HLCS: variants seen among roughly 807,000 people sequenced by gnomAD.
HLCS encodes the protein holocarboxylase synthetase.
In HLCS, 53 loss-of-function variants were observed where a neutral mutation model predicts 75.0. The ratio of observed to expected loss-of-function variants is 0.71; its 90% CI spans 0.57 to 0.89. The LOEUF (loss-of-function observed/expected upper bound fraction) is 0.89. Among genes scored for constraint, HLCS ranks in the 40% least tolerant of loss-of-function variants. The probability of loss-of-function intolerance (pLI) is 0.00; values close to 1 mark genes in which losing one functional copy is unlikely to be tolerated. For synonymous variants in HLCS, 431 were observed against 428.6 expected, an observed-to-expected ratio of 1.01 and a Z score of -0.07; for missense variants, 966 against 1,074.0, an observed-to-expected ratio of 0.90 and a Z score of 1.41.
chr21:36,797,216 T>C (rs1338544807), intron 6 of HLCS, among the ~76,000 whole-genome samples: 1 of 152,068 alleles, frequency 6.6e-6, no homozygotes, highest in East Asian at 1.9e-4. Context: ...GGCTGTACCA[T>C]CCAAAGACAG....
chr21:36,966,652 G>C lies in HLCS; in HGVS notation c.-14C>G. On this transcript the variant is annotated 5_prime_UTR_variant, in exon 1 of 11. Transcript: ENST00000674895. ...CGTGATGAGCATGGCCGCGCCGCCG[G>C]CAGGGCGAGCCCGCCTTGCCCGCCC... is the stretch of plus-strand genomic sequence containing the variant. The C allele has an allele frequency of 1.0e-6, 1 of 978,442 alleles. No homozygotes were observed. 60.6% of individuals were successfully genotyped at this position (978,442 alleles called of 1,614,324 possible).
chr21:36,900,805 G>GA (rs1431843759), intron 5 of HLCS, among the ~76,000 whole-genome samples: 3 of 152,170 alleles, frequency 2.0e-5, no homozygotes, highest in African/African-American at 7.2e-5. Flanking sequence ...AGTCATATCT[G>GA]AGATGTTAGA....
At chr21:36,983,166 C>T (rs994264813) in intron 1 of HLCS, among the ~76,000 whole-genome samples, 11 of 151,460 alleles carry the variant, frequency 7.3e-5, no homozygotes, top group African/African-American at 2.4e-4. Flanking sequence ...TTGCCTCCCA[C>T]GGTCCATACA....
chr21:36,861,400 C>G (rs2063377094), intron 6 of HLCS, among the ~76,000 whole-genome samples: 1 of 152,132 alleles, frequency 6.6e-6, no homozygotes, highest in Non-Finnish European at 1.5e-5. Context: ...TCTTTTTAAA[C>G]TTTTCTTTTA....
rs2089472047 is a variant in HLCS, at chr21:36,754,291, G to A, written c.2577C>T (p.Asn859=). 1 of 1,614,022 alleles carries A rather than the reference G, an allele frequency of 6.2e-7. No individual in the cohort carries two copies. Among genetic ancestry groups the A allele is most frequent in the African/African-American group, 1.3e-5 (1 of 74,934 alleles). ...GEVVTVHPDG[N]SFDMLRNLIL... The stretch of plus-strand genomic sequence containing the variant: ...TGAGGTTTCTCAGCATGTCGAAGGA[G>A]TTGCCGTCCGGGTGCACAGTCACAA... The change falls in exon 11 of 11, where the codon AAC becomes AAT. Residue 859 remains asparagine, a synonymous_variant. Transcript: ENST00000674895.
intron 2 of HLCS, among the ~76,000 whole-genome samples, chr21:36,950,012 C>G (rs1193735814): frequency 6.6e-6 from 1 of 152,136 alleles, no homozygotes; most frequent in African/African-American, 2.4e-5. Flanking sequence ...CACCTCCTAA[C>G]CAGTATGGAC....
rs754564050 is a variant in HLCS, at chr21:36,767,242, C to A, written c.1936G>T (p.Ala646Ser). The A allele has an allele frequency of 9.9e-6, 16 of 1,614,036 alleles. No homozygotes were observed. Among genetic ancestry groups the A allele is most frequent in the South Asian group, 3.3e-5 (3 of 91,088 alleles). ...CCTTTGCCCTCGGTCTGCCGGGCCG[C>A]GATCACTATTAAGCCCATTTCCTGC... is the stretch of plus-strand genomic sequence containing the variant. ...TPQEMGLIVI[A>S]ARQTEGKGRG... Residue 646 changes from alanine to serine, a missense_variant, in exon 7 of 11, where the codon GCG (alanine) becomes TCG (serine). Transcript: ENST00000674895.
rs1164175327 is a variant in HLCS, at chr21:36,749,132, CAG to C, written c.*5112_*5113del. On this transcript the variant is annotated 3_prime_UTR_variant, in exon 11 of 11. Transcript: ENST00000674895. ...ACATGTTACGTGTGCAACAGGTAAACAGAAATCCTTTCATAAAGCACCAGCAG... is the reference window on the plus strand; with the variant it reads ...ACATGTTACGTGTGCAACAGGTAAACAAATCCTTTCATAAAGCACCAGCAG... 3 of 152,624 alleles carry C rather than the reference CAG, an allele frequency of 2.0e-5. No individual in the cohort carries two copies. Among genetic ancestry groups the C allele is most frequent in the African/African-American group, 7.2e-5 (3 of 41,438 alleles). The allele number at this position is 152,624 out of a possible 1,614,324, so 9.5% of individuals were successfully genotyped here.
intron 6 of HLCS, among the ~76,000 whole-genome samples, chr21:36,801,911 G>A (rs1219572171): frequency 2.6e-5 from 4 of 151,824 alleles, no homozygotes; most frequent in Admixed American, 2.6e-4. Flanking sequence ...TGGGACTACA[G>A]GTGTGAGCCA....
chr21:36,963,730 C>T (rs553561095), intron 1 of HLCS, among the ~76,000 whole-genome samples: 2 of 151,876 alleles, frequency 1.3e-5, no homozygotes, highest in East Asian at 3.9e-4. Context: ...CTAGCCTGGG[C>T]AACAAGAGCA....
intron 6 of HLCS, among the ~76,000 whole-genome samples, chr21:36,871,300 T>C (rs1025415437): frequency 6.6e-6 from 1 of 152,120 alleles, no homozygotes; most frequent in African/African-American, 2.4e-5. Context: ...GTACTTAGAG[T>C]ACCCCAATAC....
intron 6 of HLCS, 157 bp downstream of exon 6, chr21:36,896,703 G>A (rs2065024243): frequency 3.8e-6 from 3 of 790,516 alleles, no homozygotes; most frequent in Non-Finnish European, 6.1e-6. Flanking sequence ...CCTTTCCCAC[G>A]ATTTAACTCT....
chr21:36,896,785 C>T (rs577753007), intron 6 of HLCS, 75 bp downstream of exon 6: 25 of 1,519,432 alleles, frequency 1.6e-5, no homozygotes, highest in East Asian at 2.2e-5. Context: ...CTATCCCCTC[C>T]CCGTCTATTG....
At chr21:36,839,543 G>C (rs987659685) in intron 6 of HLCS, among the ~76,000 whole-genome samples, 1 of 152,132 alleles carries the variant, frequency 6.6e-6, no homozygotes, top group Non-Finnish European at 1.5e-5. Context: ...AAAGGACTGA[G>C]GGAGAGCAGA....
rs377330359 is a variant in HLCS, at chr21:36,910,830, C to T, written c.1621-13699G>A. ...TGACCTGTCCAGGTTCCACGCTGCACGGCACTGCACCCTGGCATGAGTTCC... is the reference window on the plus strand; with the variant it reads ...TGACCTGTCCAGGTTCCACGCTGCATGGCACTGCACCCTGGCATGAGTTCC... On this transcript the variant is annotated intron_variant, in intron 5 of 10. Coordinates refer to ENST00000674895, the MANE Select transcript of HLCS (RefSeq NM_001352514.2). Among the ~76,000 whole-genome samples the T allele has an allele frequency of 3.7e-4, 57 of 152,266 alleles. No homozygotes were observed. In the South Asian group the frequency reaches 0.011, roughly 31 times the overall value.
In HLCS at chr21:36,936,662, AC is replaced by A. The variant is rs771944310; in HGVS notation, c.1223del (p.Gly408ValfsTer20). ...TFGGFQVTSK[G>X]ALHKTVQNLV... ...AGTTCTGGACTGTCTTGTGCAGTGC[AC>A]CCTTGCTTGTCACCTGAAAGCCACC... is the stretch of plus-strand genomic sequence containing the variant. On this transcript the variant is annotated frameshift_variant, in exon 4 of 11. Coordinates refer to ENST00000674895, the MANE Select transcript of HLCS (RefSeq NM_001352514.2). LOFTEE classifies it high-confidence loss of function. 1.5e-5 allele frequency: 24 copies of A among 1,614,076 alleles called. No homozygotes were observed. The East Asian group carries it at 5.3e-4, about 36-fold the overall frequency.
rs766046373 is a variant in HLCS, at chr21:36,752,632, T to G, written c.*1614A>C. ...GGCTTGGGCATTTGGAGAAGAGTGGTTTTTTTTGTGTTTTTTGTTTGTTTG... is the reference window on the plus strand; with the variant it reads ...GGCTTGGGCATTTGGAGAAGAGTGGGTTTTTTTGTGTTTTTTGTTTGTTTG... On this transcript the variant is annotated 3_prime_UTR_variant, in exon 11 of 11. Coordinates refer to ENST00000674895, the MANE Select transcript of HLCS (RefSeq NM_001352514.2). 2.0e-5 allele frequency: 3 copies of G among 152,272 alleles called. No homozygotes were observed. The highest frequency in any genetic ancestry group is 6.6e-5 in the Admixed American group (1 of 15,252). The allele number at this position is 152,272 out of a possible 1,614,324, so 9.4% of individuals were successfully genotyped here.
In HLCS at chr21:36,759,793, G is replaced by A. The variant is rs1254169399; in HGVS notation, c.2170C>T (p.Leu724Phe). ...KWPNDIYYSD[L>F]MKIGGVLVNS... ...ACCAGAACTCCGCCGATCTTCATGA[G>A]GTCACTGTAATAAATATCGTTGGGC... The change falls in exon 9 of 11, where the codon CTC (leucine) becomes TTC (phenylalanine). Residue 724 changes from leucine to phenylalanine, a missense_variant. Physicochemically the swap from Leu to Phe is conservative, Grantham distance 22. Transcript: ENST00000674895. The A allele has an allele frequency of 6.2e-7, 1 of 1,613,682 alleles. No homozygotes were observed. Among genetic ancestry groups the A allele is most frequent in the South Asian group, 1.1e-5 (1 of 91,078 alleles).
chr21:36,981,787 T>G (rs571959174), intron 1 of HLCS, among the ~76,000 whole-genome samples: 1 of 152,168 alleles, frequency 6.6e-6, no homozygotes, highest in Non-Finnish European at 1.5e-5. Context: ...CCCTGAATGC[T>G]TCACTTTCAG....
Sources: gnomAD v4.1 joint callset for allele counts (sites outside exome capture counted in the v4.1 genomes callset) on GRCh38, gnomAD v4.1.1 for gene constraint, MANE v1.5 for transcripts, NCBI Gene and HGNC (gene_info 2026-07-23, HGNC 2026-07-21) for gene names.